EGLN1: variants seen among roughly 807,000 people sequenced by gnomAD.
EGLN1 encodes egl-9 family hypoxia inducible factor 1.
Under a neutral mutation model 38.3 loss-of-function variants are expected in EGLN1, and 17 were observed. The ratio of observed to expected loss-of-function variants is 0.44; its 90% CI spans 0.30 to 0.67. The LOEUF (loss-of-function observed/expected upper bound fraction) is 0.67. EGLN1 is among the 30% of genes least tolerant of loss of function. EGLN1 has a pLI of 0.08. For synonymous variants in EGLN1, 283 were observed against 257.5 expected (o/e 1.10, Z -0.95); for missense variants, 477 against 603.3 (o/e 0.79, Z 2.19).
chr1:231,421,252 A>G lies in EGLN1; in HGVS notation c.637T>C (p.Phe213Leu). ...NKHGICVVDD[F>L]LGKETGQQIG... ...TGCTGTCCGGTCTCCTTGCCGAGGA[A>G]GTCGTCCACCACACAGATGCCGTGC... Residue 213 changes from phenylalanine (F) to leucine (L), a missense_variant, in exon 1 of 5, where the codon TTC (phenylalanine) becomes CTC (leucine). Around this residue, in one of 4 missense-constraint regions of EGLN1, gnomAD observed 119 missense variants for 179.0 expected, o/e 0.66. Coordinates refer to ENST00000366641, the MANE Select transcript of EGLN1 (RefSeq NM_022051.3). The surrounding 1 kb of genome is among the most constrained non-coding windows in gnomAD (Gnocchi z 5.5). 6.2e-7 allele frequency: 1 copy of G among 1,613,786 alleles called. No individual in the cohort carries two copies. The highest frequency in any genetic ancestry group is 1.1e-5 in the South Asian group (1 of 91,082).
intron 3 of EGLN1, among the ~76,000 whole-genome samples, chr1:231,368,310 G>A (rs989487431): frequency 6.6e-6 from 1 of 152,180 alleles, no homozygotes; most frequent in East Asian, 1.9e-4. Flanking sequence ...GGGCATTGCA[G>A]GCTAACAGTT....
chr1:231,421,590 C>T lies in EGLN1; in HGVS notation c.299G>A (p.Arg100Gln). ...AREPRKAAARRDNASGDAAKG... is the reference protein window; with the variant it reads ...AREPRKAAARQDNASGDAAKG... Reference sequence around the variant, plus strand: ...GGCCGCGTCCCCGGAGGCGTTGTCCCGGCGCGCCGCTGCCTTCCTGGGCTC... The same window carrying T: ...GGCCGCGTCCCCGGAGGCGTTGTCCTGGCGCGCCGCTGCCTTCCTGGGCTC... The change falls in exon 1 of 5, where the codon CGG becomes CAG. Residue 100 changes from arginine to glutamine, a missense_variant. Physicochemically the swap from Arg to Gln is conservative, Grantham distance 43. Around this residue, in one of 4 missense-constraint regions of EGLN1, gnomAD observed 298 missense variants for 288.9 expected, o/e 1.03. Coordinates refer to ENST00000366641, the MANE Select transcript of EGLN1 (RefSeq NM_022051.3). The surrounding 1 kb of genome is among the most constrained non-coding windows in gnomAD (Gnocchi z 5.5). The T allele has an allele frequency of 7.6e-7, 1 of 1,318,602 alleles. No homozygotes were observed. Among genetic ancestry groups the T allele is most frequent in the Non-Finnish European group, 9.6e-7 (1 of 1,043,412 alleles). 81.7% of individuals were successfully genotyped at this position (1,318,602 alleles called of 1,614,324 possible). A position where few individuals can be genotyped will look rare whatever the true frequency, so the allele number is the denominator to read the frequency against.
At chr1:231,413,291 GT>G (rs1414597208) in intron 1 of EGLN1, among the ~76,000 whole-genome samples, 1 of 152,014 alleles carries the variant, frequency 6.6e-6, no homozygotes, top group East Asian at 1.9e-4. Flanking sequence ...GGCCAGGCTG[GT>G]CTCGAACTCC....
intron 1 of EGLN1, among the ~76,000 whole-genome samples, chr1:231,394,402 G>A (rs1442811221): frequency 2.8e-5 from 4 of 140,402 alleles, no homozygotes; most frequent in East Asian, 2.1e-4. Flanking sequence ...TTTTTGAGAC[G>A]GAGTCTCGCT....
At chr1:231,414,976 C>T (rs896997543) in intron 1 of EGLN1, among the ~76,000 whole-genome samples, 5 of 152,112 alleles carry the variant, frequency 3.3e-5, no homozygotes, top group Admixed American at 2.6e-4. Flanking sequence ...CAAGCAAATC[C>T]GCCCACCCTG....
intron 1 of EGLN1, among the ~76,000 whole-genome samples, chr1:231,407,403 A>G (rs1327357358): frequency 6.6e-6 from 1 of 152,206 alleles, no homozygotes; most frequent in Admixed American, 6.5e-5. Context: ...AGTAAATTAC[A>G]GTTCGAAAAC....
Position 231,399,727 on chromosome 1 carries a change from T to G in EGLN1, c.891+21271A>C, listed in dbSNP as rs1448238792. ...AAATAAATATGAGAAGGCAGATAAC[T>G]TGCTAGCATCATACAACCAGCCAAT... On this transcript the variant is annotated intron_variant, in intron 1 of 4. Transcript: ENST00000366641. Among the ~76,000 whole-genome samples the G allele has an allele frequency of 1.3e-5, 2 of 152,006 alleles. 1 individual carries two copies. The highest frequency in any genetic ancestry group is 2.9e-5 in the Non-Finnish European group (2 of 68,028).
intron 1 of EGLN1, among the ~76,000 whole-genome samples, chr1:231,391,092 T>TGTGTGTGTGTGTGTG: frequency 1.5e-5 from 1 of 67,366 alleles, no homozygotes; most frequent in Non-Finnish European, 3.3e-5. Context: ...TGTTTTTTTT[T>TGTGTGTGTGTGTGTG]TGTGTGTGTG....
intron 1 of EGLN1, among the ~76,000 whole-genome samples, chr1:231,405,931 A>G (rs1688777879): frequency 6.6e-6 from 1 of 152,042 alleles, no homozygotes; most frequent in Non-Finnish European, 1.5e-5. Flanking sequence ...TAATATAAAA[A>G]AACTAGTATG....
At chr1:231,418,867 A>G (rs949078183) in intron 1 of EGLN1, among the ~76,000 whole-genome samples, 40 of 110,744 alleles carry the variant, frequency 3.6e-4, no homozygotes, top group African/African-American at 6.0e-4. Context: ...GTCTCCAAAA[A>G]AAAAAAAAAA....
intron 1 of EGLN1, among the ~76,000 whole-genome samples, chr1:231,382,959 G>T (rs1688109226): frequency 6.6e-6 from 1 of 151,156 alleles, no homozygotes; most frequent in African/African-American, 2.4e-5. Context: ...TCGGGAGGCT[G>T]AGGCAGGAGA....
At chr1:231,374,251 C>T in intron 1 of EGLN1, 152 bp from the exon 2 acceptor site, 2 of 725,630 alleles carry the variant, frequency 2.8e-6, no homozygotes, top group Non-Finnish European at 4.7e-6. Context: ...GGCTATTCTA[C>T]ATTAACATTT....
In EGLN1 at chr1:231,387,236, T is replaced by TATACAC. The variant is rs1553352259; in HGVS notation, c.892-13138_892-13137insGTGTAT. 1.6e-4 allele frequency among the ~76,000 whole-genome samples: 6 copies of TATACAC among 36,736 alleles called. No homozygotes were observed. In the South Asian group the frequency reaches 3.4e-3, roughly 21 times the overall value. The allele number at this position is 36,736 out of a possible 152,430, so 24.1% of individuals were successfully genotyped here. A position where few individuals can be genotyped will look rare whatever the true frequency, so the allele number is the denominator to read the frequency against. ...ATAACACCGGCATGCTATATATGTA[T>TATACAC]ACACACACACACACACACACCCCCC... On this transcript the variant is annotated intron_variant, in intron 1 of 4. Transcript: ENST00000366641.
intron 4 of EGLN1, 55 bp from the exon 5 acceptor site, chr1:231,366,530 T>G: frequency 2.0e-6 from 3 of 1,514,554 alleles, no homozygotes; most frequent in Non-Finnish European, 2.7e-6. Flanking sequence ...CCAGAGAGCT[T>G]CTGCTACTGC....
intron 3 of EGLN1, among the ~76,000 whole-genome samples, chr1:231,368,123 G>A (rs1430876347): frequency 2.6e-5 from 4 of 152,116 alleles, no homozygotes; most frequent in African/African-American, 9.7e-5. Context: ...CCGGGGAGGC[G>A]GAGGTTGCAG....
At chr1:231,380,006 T>G (rs1054113051) in intron 1 of EGLN1, among the ~76,000 whole-genome samples, 1 of 152,026 alleles carries the variant, frequency 6.6e-6, no homozygotes, top group African/African-American at 2.4e-5. Flanking sequence ...AGAAAACAGG[T>G]CATGCTGGAA....
At chr1:231,385,297 T>C (rs1413443943) in intron 1 of EGLN1, among the ~76,000 whole-genome samples, 1 of 152,170 alleles carries the variant, frequency 6.6e-6, no homozygotes, top group Admixed American at 6.5e-5. Context: ...GTGTAAGGCA[T>C]AGTGCTAGGA....
intron 1 of EGLN1, among the ~76,000 whole-genome samples, chr1:231,417,243 G>GA (rs201747273): frequency 0.012 from 1,793 of 152,260 alleles, 30 homozygotes; most frequent in African/African-American, 0.041. Flanking sequence ...CAGTAATAGT[G>GA]AAAAATCTTA....
intron 1 of EGLN1, among the ~76,000 whole-genome samples, chr1:231,398,356 G>T (rs1688583307): frequency 6.6e-6 from 1 of 152,102 alleles, no homozygotes; most frequent in African/African-American, 2.4e-5. Flanking sequence ...AGAGATGGGG[G>T]TCACATTATG....
Sources: allele counts gnomAD v4.1 joint callset (sites outside exome capture counted in the v4.1 genomes callset), GRCh38; gene constraint gnomAD v4.1.1; regional missense constraint gnomAD v4.1.1; non-coding constraint Gnocchi (gnomAD v3.1); transcripts MANE v1.5; gene names NCBI Gene and HGNC (gene_info 2026-07-23, HGNC 2026-07-21).